UBE2W: variants seen among roughly 807,000 people sequenced by gnomAD.
UBE2W encodes the protein ubiquitin-conjugating enzyme E2 W.
UBE2W carries 18 observed loss-of-function variants against 27.2 expected under a neutral mutation model. The ratio of observed to expected loss-of-function variants is 0.66; its 90% confidence interval spans 0.46 to 0.98. The LOEUF (loss-of-function observed/expected upper bound fraction) is 0.98. UBE2W is among the 50% of genes least tolerant of loss of function. UBE2W has a pLI of 0.00. For missense variants in UBE2W, 90 were observed against 180.2 expected (o/e 0.50, Z 2.87); for synonymous variants, 53 against 57.2 (o/e 0.93, Z 0.33).
chr8:73,837,535 T>C (rs1409562402), intron 1 of UBE2W, among the ~76,000 whole-genome samples: 1 of 151,658 alleles, frequency 6.6e-6, no homozygotes, highest in Non-Finnish European at 1.5e-5. Context: ...AATTATGAAG[T>C]GGTATTAAAG....
chr8:73,804,495 C>A (rs1808785801), intron 5 of UBE2W, among the ~76,000 whole-genome samples: 1 of 151,446 alleles, frequency 6.6e-6, no homozygotes, highest in African/African-American at 2.4e-5. Flanking sequence ...CCAACAAATA[C>A]AATAGAAATT....
At chr8:73,870,319 G>T in intron 1 of UBE2W, 1 of 1,571,092 alleles carries the variant, frequency 6.4e-7, no homozygotes, top group African/African-American at 1.4e-5. Flanking sequence ...TACAAAGAAA[G>T]ACCTCATGTA....
At chr8:73,845,711 A>T (rs987528316) in intron 1 of UBE2W, among the ~76,000 whole-genome samples, 2 of 151,514 alleles carry the variant, frequency 1.3e-5, no homozygotes, top group Non-Finnish European at 2.9e-5. Context: ...AATAAATACT[A>T]AAAAAATTTA....
intron 5 of UBE2W, 41 bp from the exon 6 acceptor site, chr8:73,794,156 A>C (rs1274118719): frequency 6.2e-7 from 1 of 1,601,912 alleles, no homozygotes; most frequent in Non-Finnish European, 8.5e-7. Context: ...AAAGTCAAGC[A>C]TGTATAAGTA....
At chr8:73,855,905 C>T (rs952127279) in intron 1 of UBE2W, among the ~76,000 whole-genome samples, 3 of 151,822 alleles carry the variant, frequency 2.0e-5, no homozygotes, top group Non-Finnish European at 4.4e-5. Flanking sequence ...TACTCATTTT[C>T]ACAAGTTAAA....
chr8:73,805,752 G>A (rs182241620), intron 4 of UBE2W, 26 bp from the exon 5 acceptor site: 1 of 1,387,686 alleles, frequency 7.2e-7, no homozygotes, highest in Non-Finnish European at 9.7e-7. Flanking sequence ...ATTTAAATAG[G>A]TTGAAAAACA....
chr8:73,876,590 G>C (rs1364418099), intron 1 of UBE2W, among the ~76,000 whole-genome samples: 1 of 152,156 alleles, frequency 6.6e-6, no homozygotes, highest in Non-Finnish European at 1.5e-5. Context: ...ACTTAAAAGG[G>C]TGGTAAGAGT....
chr8:73,780,229 A>G, exon 5 of UBE2W: 1 of 180,086 alleles, frequency 5.6e-6, no homozygotes, highest in Non-Finnish European at 1.2e-5. Flanking sequence ...CCAGCCTCTG[A>G]TGTTCCCAGC....
Position 73,810,603 on chromosome 8 carries a change from A to G in UBE2W, c.237T>C (p.Pro79=). Reference sequence around the variant, plus strand: ...CATTGCTATAAACATGAGGATGAACAGGAATATTTTCACCAGTAAACATGA... The same window carrying G: ...CATTGCTATAAACATGAGGATGAACGGGAATATTTTCACCAGTAAACATGA... ...PQVMFTGENI[P]VHPHVYSNGH... The change falls in exon 4 of 6, where the codon CCT becomes CCC. Residue 79 remains proline, a synonymous_variant. Transcript: ENST00000602593. The G allele has an allele frequency of 3.7e-6, 6 of 1,605,214 alleles. No individual in the cohort carries two copies. The highest frequency in any genetic ancestry group is 4.2e-6 in the Non-Finnish European group (5 of 1,176,672).
intron 1 of UBE2W, among the ~76,000 whole-genome samples, chr8:73,847,626 G>A (rs1307940571): frequency 9.6e-6 from 1 of 103,922 alleles, no homozygotes; most frequent in Non-Finnish European, 2.3e-5. Context: ...TTGCGGCCGG[G>A]TGCTGTGGCT....
At chr8:73,852,260 T>C (rs1264401641) in intron 1 of UBE2W, among the ~76,000 whole-genome samples, 4 of 152,160 alleles carry the variant, frequency 2.6e-5, no homozygotes, top group Admixed American at 1.3e-4. Context: ...TTAGGGTGGG[T>C]ATGCTGTCTA....
chr8:73,863,891 C>T (rs1811631342), intron 1 of UBE2W, among the ~76,000 whole-genome samples: 1 of 149,132 alleles, frequency 6.7e-6, no homozygotes, highest in African/African-American at 2.5e-5. Context: ...AGTTGGAAAC[C>T]ACTGGTTTGA....
chr8:73,875,781 G>T (rs1255054672), intron 1 of UBE2W, among the ~76,000 whole-genome samples: 1 of 152,140 alleles, frequency 6.6e-6, no homozygotes, highest in Non-Finnish European at 1.5e-5. Context: ...CGCGTGCAGT[G>T]GCTCACACCT....
At position 73,817,155 on chromosome 8, in the gene UBE2W, T is replaced by C. The variant is rs1809427236; in HGVS notation, c.211-6526A>G. ...CCTGGCCAACATGGTGAAACCCCAT[T>C]TCTAACTAAAGATACAAAAAAAATT... On this transcript the variant is annotated intron_variant, in intron 3 of 5. Coordinates refer to ENST00000602593, the MANE Select transcript of UBE2W (RefSeq NM_018299.6). 2.0e-5 allele frequency among the ~76,000 whole-genome samples: 3 copies of C among 151,938 alleles called. 1 individual carries two copies. In the South Asian group the frequency reaches 6.2e-4, roughly 32 times the overall value.
At position 73,825,246 on chromosome 8, in the gene UBE2W, C is replaced by T; in HGVS notation, c.111G>A (p.Trp37Ter). 1 of 1,554,508 alleles carries T rather than the reference C, an allele frequency of 6.4e-7. No individual in the cohort carries two copies. The highest frequency in any genetic ancestry group is 8.7e-7 in the Non-Finnish European group (1 of 1,148,772). The change falls in exon 3 of 6, where the codon TGG becomes TGA. Residue 37 changes from tryptophan to a stop codon, truncating the protein, a stop_gained. Transcript: ENST00000602593. LOFTEE classifies it high-confidence loss of function. ...EKSVQNSITQ[W>*]IVDMEGAPGT... Reference sequence around the variant, plus strand: ...CTGGTGCACCTTCCATGTCTACAATCCACCTAGAATAGAAAAGGCAAATTA... The same window carrying T: ...CTGGTGCACCTTCCATGTCTACAATTCACCTAGAATAGAAAAGGCAAATTA...
chr8:73,836,217 A>C (rs1810303631), intron 1 of UBE2W, among the ~76,000 whole-genome samples: 1 of 152,068 alleles, frequency 6.6e-6, no homozygotes. Flanking sequence ...TTTTTTACTG[A>C]GGGGGTGGAA....
intron 1 of UBE2W, among the ~76,000 whole-genome samples, chr8:73,867,100 G>A (rs1033746980): frequency 6.6e-6 from 1 of 152,030 alleles, no homozygotes; most frequent in Non-Finnish European, 1.5e-5. Context: ...ATAATTCAAC[G>A]AAATGACAAA....
At chr8:73,847,795 G>A (rs1056487598) in intron 1 of UBE2W, among the ~76,000 whole-genome samples, 9 of 152,076 alleles carry the variant, frequency 5.9e-5, no homozygotes, top group African/African-American at 9.7e-5. Context: ...CCAGCTACTC[G>A]GGAGGCTGAG....
chr8:73,855,052 T>C, intron 1 of UBE2W, among the ~76,000 whole-genome samples: 1 of 152,202 alleles, frequency 6.6e-6, no homozygotes, highest in East Asian at 1.9e-4. Context: ...AAATCTACAG[T>C]ATGTATGAAG....
Sources: allele counts gnomAD v4.1 joint callset (sites outside exome capture counted in the v4.1 genomes callset), GRCh38; gene constraint gnomAD v4.1.1; transcripts MANE v1.5; gene names NCBI Gene and HGNC (gene_info 2026-07-23, HGNC 2026-07-21).